Variants in NRG1 observed in about 807,000 individuals in gnomAD.
NRG1 encodes the protein neuregulin 1.
In NRG1, 18 loss-of-function variants were observed where a neutral mutation model predicts 63.8. The observed-to-expected ratio is 0.28, with a 90% CI of 0.19 to 0.42. The LOEUF (loss-of-function observed/expected upper bound fraction) is 0.42, where lower values mean the gene tolerates loss of function less well. Ranked by LOEUF, NRG1 falls within the 10% of genes least tolerant of loss-of-function variation. The pLI is 1.00. For synonymous variants in NRG1, 302 were observed against 301.3 expected, an observed-to-expected ratio of 1.00 and a Z score of -0.02; for missense variants, 762 against 814.7, an observed-to-expected ratio of 0.94 and a Z score of 0.79.
intron 1 of NRG1, among the ~76,000 whole-genome samples, chr8:32,220,421 G>T (rs774601085): frequency 2.6e-5 from 4 of 152,062 alleles, no homozygotes; most frequent in Non-Finnish European, 5.9e-5. Context: ...TATAAGGGAC[G>T]GAGCGGAGCA....
chr8:32,042,572 AACACTG>A (rs1820240619), intron 1 of NRG1, among the ~76,000 whole-genome samples: 1 of 152,302 alleles, frequency 6.6e-6, no homozygotes, highest in African/African-American at 2.4e-5. Context: ...AACCTACATT[AACACTG>A]AGATGACAGA....
At chr8:32,002,054 T>TA (rs1813019695) in intron 1 of NRG1, among the ~76,000 whole-genome samples, 1 of 152,000 alleles carries the variant, frequency 6.6e-6, no homozygotes. Context: ...GATGAAGTCT[T>TA]ACTCTGTGGG....
chr8:32,685,235 G>A (rs1052796756), intron 5 of NRG1, among the ~76,000 whole-genome samples: 5 of 152,258 alleles, frequency 3.3e-5, no homozygotes, highest in African/African-American at 1.2e-4. Context: ...TTTGACTAGA[G>A]AGTCAATATG....
chr8:31,752,491 A>G (rs1422937926), intron 1 of NRG1, among the ~76,000 whole-genome samples: 1 of 152,074 alleles, frequency 6.6e-6, no homozygotes, highest in African/African-American at 2.4e-5. Flanking sequence ...CTGTGCATTC[A>G]ACATTCAGCT....
chr8:31,933,817 A>G (rs1200546232), intron 1 of NRG1, among the ~76,000 whole-genome samples: 1 of 152,196 alleles, frequency 6.6e-6, no homozygotes, highest in Non-Finnish European at 1.5e-5. Flanking sequence ...TCTGTAAGTT[A>G]CCAGTTATTA....
chr8:32,248,804 C>T (rs1339868725), intron 1 of NRG1, among the ~76,000 whole-genome samples: 2 of 152,042 alleles, frequency 1.3e-5, no homozygotes, highest in Non-Finnish European at 2.9e-5. Flanking sequence ...TAGAAGCATA[C>T]TTGTGTTATA....
intron 1 of NRG1, among the ~76,000 whole-genome samples, chr8:32,585,432 T>C (rs1588492784): frequency 6.6e-6 from 1 of 152,186 alleles, no homozygotes; most frequent in African/African-American, 2.4e-5. Context: ...GCTGAACACT[T>C]ACCTTCCAGC....
intron 1 of NRG1, among the ~76,000 whole-genome samples, chr8:32,021,026 C>A (rs928760698): frequency 2.0e-5 from 3 of 152,154 alleles, no homozygotes; most frequent in African/African-American, 7.2e-5. Flanking sequence ...TTAGAGAAAA[C>A]AAGTCCATTA....
intron 5 of NRG1, among the ~76,000 whole-genome samples, chr8:32,669,210 A>T (rs1804993035): frequency 6.6e-6 from 1 of 152,216 alleles, no homozygotes; most frequent in Non-Finnish European, 1.5e-5. Context: ...CATGAAAATT[A>T]TGGAGAAAAA....
At chr8:32,471,933 A>G (rs1451669867) in intron 1 of NRG1, among the ~76,000 whole-genome samples, 1 of 152,230 alleles carries the variant, frequency 6.6e-6, no homozygotes, top group African/African-American at 2.4e-5. Flanking sequence ...AATTGGTAGT[A>G]AGTGTCTATA....
chr8:31,688,238 G>T (rs1809112048), intron 1 of NRG1, among the ~76,000 whole-genome samples: 1 of 152,248 alleles, frequency 6.6e-6, no homozygotes, highest in South Asian at 2.1e-4. Context: ...CAAAGTGATG[G>T]TATTAAGAGG....
Position 32,742,044 on chromosome 8 carries a change from G to A in NRG1, c.633-631G>A, listed in dbSNP as rs1246773062. On this transcript the variant is annotated intron_variant, in intron 6 of 11. Coordinates refer to ENST00000356819, the Ensembl canonical transcript of NRG1. This position sits in a 1 kb window ranked among gnomAD's most constrained non-coding sequence, Gnocchi z 4.2. ...GATTCACTGGAGCAAGATGTACTGA[G>A]AATGTGCCCATGAAAGTCCAAAACC... is the stretch of plus-strand genomic sequence containing the variant. 1.2e-6 allele frequency: 2 copies of A among 1,613,570 alleles called. No homozygotes were observed. The highest frequency in any genetic ancestry group is 8.5e-7 in the Non-Finnish European group (1 of 1,179,728).
exon 12 of NRG1, chr8:32,764,026 C>T: frequency 2.5e-6 from 4 of 1,614,048 alleles, no homozygotes; most frequent in Non-Finnish European, 3.4e-6. Flanking sequence ...CCTGCTAGCC[C>T]CTTGAGGATA....
chr8:31,964,863 G>A (rs1196503960), intron 1 of NRG1, among the ~76,000 whole-genome samples: 2 of 152,158 alleles, frequency 1.3e-5, no homozygotes, highest in East Asian at 1.9e-4. Context: ...AAGTAAGAGA[G>A]CAGACATTTC....
intron 1 of NRG1, among the ~76,000 whole-genome samples, chr8:32,417,193 G>A (rs536276328): frequency 2.6e-5 from 4 of 152,136 alleles, no homozygotes; most frequent in African/African-American, 9.7e-5. Context: ...TCTATTGGGG[G>A]TGTGCCTTCT....
intron 5 of NRG1, among the ~76,000 whole-genome samples, chr8:32,691,045 T>G (rs1353899479): frequency 6.6e-6 from 1 of 151,016 alleles, no homozygotes; most frequent in Non-Finnish European, 1.5e-5. Flanking sequence ...TTCACTCACA[T>G]TAAAAGGTGA....
At chr8:32,747,235 T>G (rs1337720279) in intron 7 of NRG1, among the ~76,000 whole-genome samples, 3 of 152,144 alleles carry the variant, frequency 2.0e-5, no homozygotes, top group Admixed American at 6.6e-5. Flanking sequence ...CATGTAGGCA[T>G]GGAGTCCTGA....
At chr8:31,658,000 A>G (rs1805598670) in intron 1 of NRG1, among the ~76,000 whole-genome samples, 2 of 152,320 alleles carry the variant, frequency 1.3e-5, no homozygotes, top group Middle Eastern at 3.4e-3. Context: ...TTTCCTGTTT[A>G]TCATCAAAGA....
intron 1 of NRG1, among the ~76,000 whole-genome samples, chr8:32,275,146 G>A (rs1025830979): frequency 6.6e-6 from 1 of 152,156 alleles, no homozygotes; most frequent in African/African-American, 2.4e-5. Context: ...CGGGTGATCA[G>A]GACAGCTCCC....
Sources: allele counts gnomAD v4.1 joint callset (sites outside exome capture counted in the v4.1 genomes callset), GRCh38; gene constraint gnomAD v4.1.1; non-coding constraint Gnocchi (gnomAD v3.1); transcripts MANE v1.5; gene names NCBI Gene and HGNC (gene_info 2026-07-23, HGNC 2026-07-21).